The following SLC7A2 variants were observed in gnomAD, a reference collection of about 807,000 sequenced individuals.
SLC7A2 encodes the protein solute carrier family 7 member 2.
In SLC7A2, 48 loss-of-function variants were observed where a neutral mutation model predicts 58.9. That is an observed-to-expected ratio of 0.82 (90% CI 0.65 to 1.04). SLC7A2 has a LOEUF of 1.04. SLC7A2 is among the 50% of genes least tolerant of loss of function. The pLI, the probability that SLC7A2 is intolerant of heterozygous loss-of-function variation, is 0.00. For missense variants in SLC7A2, 1,029 were observed against 818.8 expected (o/e 1.26, Z -3.13); for synonymous variants, 363 against 314.5 (o/e 1.15, Z -1.63).
At chr8:17,503,060 AT>A (rs1315026429) in intron 2 of SLC7A2, among the ~76,000 whole-genome samples, 1 of 151,298 alleles carries the variant, frequency 6.6e-6, no homozygotes. Context: ...ATTTTATTTT[AT>A]TTTTTTTGAG....
In SLC7A2 at chr8:17,545,403, CTTTTTTTTTTTTTT is replaced by C. The variant is rs386412194; in HGVS notation, c.532+809_532+822del. Among the ~76,000 whole-genome samples, 8 of 64,300 alleles carry C rather than the reference CTTTTTTTTTTTTTT, an allele frequency of 1.2e-4. 1 individual carries two copies. Among genetic ancestry groups the C allele is most frequent in the African/African-American group, 5.6e-4 (8 of 14,312 alleles). The allele number at this position is 64,300 out of a possible 152,430, so 42.2% of individuals were successfully genotyped here. A position where few individuals can be genotyped will look rare whatever the true frequency, so the allele number is the denominator to read the frequency against. ...TTTGTTTTAACTATTTGAACATTTT[CTTTTTTTTTTTTTT>C]TTTTTTTTTTTGAGATGGAGTCTGA... On this transcript the variant is annotated intron_variant, in intron 4 of 12. Transcript: ENST00000494857.
At chr8:17,546,610 C>G (rs1261182707) in intron 4 of SLC7A2, among the ~76,000 whole-genome samples, 2 of 152,158 alleles carry the variant, frequency 1.3e-5, no homozygotes, top group Non-Finnish European at 2.9e-5. Context: ...GCAGTGGTTC[C>G]TAACCTAACT....
At chr8:17,498,514 T>A (rs146813720) in intron 1 of SLC7A2, 1 of 152,206 alleles carries the variant, frequency 6.6e-6, no homozygotes, top group African/African-American at 2.4e-5. Flanking sequence ...AAGCGTGACA[T>A]GAAATGATCT....
At chr8:17,545,747 A>G (rs1357490829) in intron 4 of SLC7A2, among the ~76,000 whole-genome samples, 3 of 151,972 alleles carry the variant, frequency 2.0e-5, no homozygotes, top group African/African-American at 7.2e-5. Context: ...GCTTATGTCC[A>G]TCAAGGATTG....
Position 17,562,060 on chromosome 8 carries a change from G to C in SLC7A2, c.1621G>C (p.Val541Leu). Reference sequence around the variant, plus strand: ...GTTTCTTGTTCTCTTCGTTGCCATCGTTCTCACCATCTGGAGGCAGCCCCA... The same window carrying C: ...GTTTCTTGTTCTCTTCGTTGCCATCCTTCTCACCATCTGGAGGCAGCCCCA... ...ALFLVLFVAI[V>L]LTIWRQPQNQ... Residue 541 changes from valine (V) to leucine (L), a missense_variant, in exon 11 of 13, where the codon GTT (valine) becomes CTT (leucine). Physicochemically the swap from Val to Leu is conservative, Grantham distance 32 (BLOSUM62 1). Coordinates refer to ENST00000494857, the MANE Select transcript of SLC7A2 (RefSeq NM_001370338.1). 6.2e-7 allele frequency: 1 copy of C among 1,613,856 alleles called. No individual in the cohort carries two copies. Among genetic ancestry groups the C allele is most frequent in the East Asian group, 2.2e-5 (1 of 44,866 alleles).
At chr8:17,509,296 T>G (rs1309544738) in intron 2 of SLC7A2, among the ~76,000 whole-genome samples, 1 of 152,172 alleles carries the variant, frequency 6.6e-6, no homozygotes, top group East Asian at 1.9e-4. Context: ...GAACTAAGTA[T>G]AATTTCCTTA....
intron 2 of SLC7A2, 85 bp from the exon 3 acceptor site, chr8:17,543,217 AACACACACACACACAT>A: frequency 2.6e-6 from 2 of 774,854 alleles, no homozygotes; most frequent in Non-Finnish European, 3.8e-6. Flanking sequence ...CACACACACA[AACACACACACACACAT>A]ACTCTAATTG....
At chr8:17,533,290 C>T (rs937672291) in intron 2 of SLC7A2, among the ~76,000 whole-genome samples, 6 of 152,184 alleles carry the variant, frequency 3.9e-5, no homozygotes, top group African/African-American at 1.4e-4. Context: ...CAAATCAGAA[C>T]GTGTTTTTCA....
chr8:17,505,375 T>G (rs931794737), intron 2 of SLC7A2, among the ~76,000 whole-genome samples: 3 of 152,204 alleles, frequency 2.0e-5, no homozygotes, highest in Non-Finnish European at 2.9e-5. Context: ...AGACCGCTTA[T>G]GGCCTCCAAG....
chr8:17,505,420 C>T (rs1211819898), intron 2 of SLC7A2, among the ~76,000 whole-genome samples: 1 of 152,154 alleles, frequency 6.6e-6, no homozygotes, highest in Non-Finnish European at 1.5e-5. Context: ...GTAGATGTGG[C>T]AGTTGGGGTC....
chr8:17,506,507 C>G (rs545347066), intron 2 of SLC7A2, among the ~76,000 whole-genome samples: 38 of 152,162 alleles, frequency 2.5e-4, no homozygotes, highest in Non-Finnish European at 5.0e-4. Context: ...TCTAGCCTCC[C>G]TCGCCGTGGA....
chr8:17,515,287 C>T (rs969230253), intron 2 of SLC7A2, among the ~76,000 whole-genome samples: 3 of 151,290 alleles, frequency 2.0e-5, no homozygotes, highest in Admixed American at 6.6e-5. Context: ...CCTTTGATTG[C>T]CACATCTTTT....
At chr8:17,558,090 T>C (rs767447204) in intron 8 of SLC7A2, among the ~76,000 whole-genome samples, 1 of 152,156 alleles carries the variant, frequency 6.6e-6, no homozygotes, top group Non-Finnish European at 1.5e-5. Flanking sequence ...GCCAGAGAGC[T>C]GAGGGTTTTT....
chr8:17,539,788 C>G (rs1027254193), intron 2 of SLC7A2, among the ~76,000 whole-genome samples: 3 of 152,066 alleles, frequency 2.0e-5, no homozygotes, highest in African/African-American at 7.2e-5. Flanking sequence ...AAGTCTATGC[C>G]CTCCAGATTA....
At chr8:17,551,238 C>T (rs914457282) in intron 6 of SLC7A2, among the ~76,000 whole-genome samples, 1 of 152,154 alleles carries the variant, frequency 6.6e-6, no homozygotes, top group Non-Finnish European at 1.5e-5. Flanking sequence ...TTCTCCTCTT[C>T]TCCCTCTGGG....
chr8:17,529,853 A>G (rs1450140051), intron 2 of SLC7A2, among the ~76,000 whole-genome samples: 1 of 152,082 alleles, frequency 6.6e-6, no homozygotes. Context: ...GACATTTTCA[A>G]AGAAGCTGCC....
chr8:17,520,548 C>T lies in SLC7A2; in HGVS notation c.-23+18246C>T, dbSNP rs535678223. ...CCCAGCCACTTGGGAGATTGAGGCA[C>T]GAGAATTGCTTGAACCTGGGAGGTG... On this transcript the variant is annotated intron_variant, in intron 2 of 12. Transcript: ENST00000494857. Among the ~76,000 whole-genome samples, 9 of 138,964 alleles carry T rather than the reference C, an allele frequency of 6.5e-5. No homozygotes were observed. The South Asian group carries it at 1.6e-3, about 25-fold the overall frequency. The allele number at this position is 138,964 out of a possible 152,430, so 91.2% of individuals were successfully genotyped here.
intron 2 of SLC7A2, among the ~76,000 whole-genome samples, chr8:17,529,483 C>T (rs1323978676): frequency 1.3e-5 from 2 of 151,880 alleles, no homozygotes; most frequent in East Asian, 1.9e-4. Context: ...TGCCATGGGG[C>T]TCAGTCTCTA....
intron 2 of SLC7A2, 105 bp from the exon 3 acceptor site, chr8:17,543,213 C>CACACAA: frequency 3.2e-6 from 3 of 937,532 alleles, no homozygotes; most frequent in Non-Finnish European, 3.2e-6. Context: ...CACACACACA[C>CACACAA]ACAAACACAC....
Sources: allele counts gnomAD v4.1 joint callset (sites outside exome capture counted in the v4.1 genomes callset), GRCh38; gene constraint gnomAD v4.1.1; transcripts MANE v1.5; gene names NCBI Gene and HGNC (gene_info 2026-07-23, HGNC 2026-07-21).